LANCL3: variants seen among roughly 807,000 people sequenced by gnomAD.
The protein encoded by LANCL3 is lanC-like protein 3.
In LANCL3, 19 loss-of-function variants were observed where a neutral mutation model predicts 26.5. The observed-to-expected ratio is 0.72, with a 90% CI of 0.50 to 1.05. The LOEUF (loss-of-function observed/expected upper bound fraction) is 1.05. LANCL3 is among the 50% of genes least tolerant of loss of function. The pLI is 0.00. For missense variants in LANCL3, 318 were observed against 362.7 expected, an observed-to-expected ratio of 0.88 and a Z score of 1.00; for synonymous variants, 160 against 166.6, an observed-to-expected ratio of 0.96 and a Z score of 0.30.
intron 1 of LANCL3, among the ~76,000 whole-genome samples, chrX:37,634,772 T>G (rs1057330922): frequency 2.2e-4 from 25 of 111,934 alleles, no homozygotes; most frequent in African/African-American, 6.2e-4. Context: ...TGTCCATGTT[T>G]ATAGGAAATA....
chrX:37,674,703 TA>T (rs1556436878), intron 4 of LANCL3, among the ~76,000 whole-genome samples: 1 of 111,926 alleles, frequency 8.9e-6, no homozygotes, highest in African/African-American at 3.2e-5. Context: ...TGTTTTCTGC[TA>T]ATTTATTTTA....
intron 1 of LANCL3, among the ~76,000 whole-genome samples, chrX:37,646,287 AAC>A (rs1413912365): frequency 8.9e-6 from 1 of 112,506 alleles, no homozygotes; most frequent in Non-Finnish European, 1.9e-5. Context: ...AAGCTTGCTC[AAC>A]ACCTTTTCTG....
intron 1 of LANCL3, among the ~76,000 whole-genome samples, chrX:37,635,068 A>C: frequency 9.0e-6 from 1 of 111,393 alleles, no homozygotes; most frequent in Non-Finnish European, 1.9e-5. Context: ...CAGCATGGAA[A>C]CCTTGAAAAC....
intron 1 of LANCL3, among the ~76,000 whole-genome samples, chrX:37,627,713 A>G (rs1205619700): frequency 2.7e-5 from 3 of 111,990 alleles, no homozygotes; most frequent in Non-Finnish European, 5.7e-5. Flanking sequence ...AATCTGTCAT[A>G]GCCAGGAACA....
chrX:37,576,343 A>G (rs1923746962), intron 1 of LANCL3, among the ~76,000 whole-genome samples: 1 of 111,627 alleles, frequency 9.0e-6, no homozygotes, highest in Non-Finnish European at 1.9e-5. Context: ...TCCTTGAGCA[A>G]TGGGGCATTG....
chrX:37,624,231 A>G (rs1556422724), intron 1 of LANCL3, among the ~76,000 whole-genome samples: 1 of 111,998 alleles, frequency 8.9e-6, no homozygotes, highest in African/African-American at 3.2e-5. Context: ...CGCCTGTGCT[A>G]TAAATTTTAC....
intron 4 of LANCL3, chrX:37,668,506 A>G (rs782690893): frequency 6.9e-6 from 2 of 290,901 alleles, no homozygotes; most frequent in East Asian, 5.2e-5. Flanking sequence ...ATAATCTGAT[A>G]GAAAGCACAA....
chrX:37,619,384 G>A (rs981981997), intron 1 of LANCL3, among the ~76,000 whole-genome samples: 4 of 111,125 alleles, frequency 3.6e-5, no homozygotes, highest in East Asian at 2.8e-4. Context: ...GATTGTCTGC[G>A]GAAAATCCTT....
chrX:37,669,016 T>G (rs1770573342), intron 4 of LANCL3, among the ~76,000 whole-genome samples: 1 of 112,095 alleles, frequency 8.9e-6, no homozygotes. Context: ...ATGCTTGGCA[T>G]ATAGTAACTG....
intron 1 of LANCL3, among the ~76,000 whole-genome samples, chrX:37,593,309 T>C (rs1924340230): frequency 9.0e-6 from 1 of 111,407 alleles, no homozygotes; most frequent in East Asian, 2.8e-4. Flanking sequence ...TTGCACATGA[T>C]ATTGCTCAAT....
intron 1 of LANCL3, among the ~76,000 whole-genome samples, chrX:37,585,108 G>C (rs28823642): frequency 0.22 from 24,116 of 111,032 alleles, 3,929 homozygotes; most frequent in African/African-American, 0.57. Flanking sequence ...GAGTGGTTTT[G>C]AGTGAGTTTC....
chrX:37,664,672 G>A (rs782486135), intron 3 of LANCL3, among the ~76,000 whole-genome samples: 1 of 111,364 alleles, frequency 9.0e-6, no homozygotes, highest in Non-Finnish European at 1.9e-5. Context: ...TGCAGGTAGT[G>A]AGCATAGTAC....
intron 1 of LANCL3, among the ~76,000 whole-genome samples, chrX:37,592,689 G>T (rs782799224): frequency 3.6e-5 from 4 of 111,895 alleles, no homozygotes; most frequent in Non-Finnish European, 7.5e-5. Context: ...GTCCCTGAAA[G>T]TTCAGCCAAA....
chrX:37,576,413 T>G (rs2146704097), intron 1 of LANCL3, among the ~76,000 whole-genome samples: 1 of 111,621 alleles, frequency 9.0e-6, no homozygotes, highest in African/African-American at 3.3e-5. Flanking sequence ...TTCCACTGAT[T>G]GGTGGAAATG....
At chrX:37,625,898 G>T (rs1290471239) in intron 1 of LANCL3, among the ~76,000 whole-genome samples, 3 of 111,445 alleles carry the variant, frequency 2.7e-5, no homozygotes, top group Admixed American at 1.9e-4. Context: ...GGTCATCTGG[G>T]ATTGCTCTGC....
intron 4 of LANCL3, among the ~76,000 whole-genome samples, chrX:37,670,961 A>G (rs905486804): frequency 5.6e-4 from 62 of 111,342 alleles, no homozygotes; most frequent in African/African-American, 1.9e-3. Context: ...CTTTTCCTTC[A>G]TTATATTTTC....
rs368795276 is a variant in LANCL3 at position 37,667,451 on chromosome X, G to A, written c.1065G>A (p.Arg355=). 5.9e-6 allele frequency: 7 copies of A among 1,191,211 alleles called. No homozygotes were observed. In the African/African-American group the frequency reaches 1.1e-4, roughly 18 times the overall value. ...GSAYVFLLLY[R]LTGNSKYIYR... ...CCTATGTCTTCCTGCTGCTGTACCG[G>A]CTCACGGGAAACTCTAAATACATCT... The change falls in exon 4 of 5, where the codon CGG becomes CGA. Residue 355 remains arginine, a synonymous_variant. Coordinates refer to ENST00000378619, the MANE Select transcript of LANCL3 (RefSeq NM_001170331.2).
chrX:37,591,062 A>G (rs1209964429), intron 1 of LANCL3, among the ~76,000 whole-genome samples: 1 of 112,172 alleles, frequency 8.9e-6, no homozygotes, highest in African/African-American at 3.2e-5. Context: ...AAATCAAAAG[A>G]TAAGACTTAC....
intron 2 of LANCL3, 125 bp downstream of exon 2, chrX:37,655,936 A>C (rs1926273159): frequency 1.7e-6 from 1 of 571,623 alleles, no homozygotes; most frequent in Non-Finnish European, 2.7e-6. Context: ...AAATACTTTA[A>C]AATTTTCTTT....
Sources: gnomAD v4.1 joint callset for allele counts (sites outside exome capture counted in the v4.1 genomes callset) on GRCh38, gnomAD v4.1.1 for gene constraint, MANE v1.5 for transcripts, NCBI Gene and HGNC (gene_info 2026-07-23, HGNC 2026-07-21) for gene names.